Variants in LRP1B observed in about 807,000 individuals in gnomAD.
The protein encoded by LRP1B is low-density lipoprotein receptor-related protein 1B.
LRP1B carries 217 observed loss-of-function variants against 556.6 expected under a neutral mutation model. The ratio of observed to expected loss-of-function variants is 0.39; its 90% CI spans 0.35 to 0.44. LRP1B has a LOEUF of 0.44. Among genes scored for constraint, LRP1B ranks in the 20% least tolerant of loss-of-function variants. LRP1B has a pLI of 1.00. For synonymous variants in LRP1B, 2,047 were observed against 1,865.8 expected (o/e 1.10, Z -2.50); for missense variants, 5,053 against 5,620.8 (o/e 0.90, Z 3.23).
intron 2 of LRP1B, among the ~76,000 whole-genome samples, chr2:141,680,177 G>A (rs998560777): frequency 4.6e-5 from 7 of 151,900 alleles, no homozygotes; most frequent in South Asian, 2.1e-4. Flanking sequence ...TAAACTTTGC[G>A]AATTTCGAAT....
At chr2:140,691,826 T>C (rs1686254109) in intron 41 of LRP1B, among the ~76,000 whole-genome samples, 1 of 152,174 alleles carries the variant, frequency 6.6e-6, no homozygotes, top group African/African-American at 2.4e-5. Context: ...TGAAAGTTAT[T>C]TATTTATACT....
chr2:140,642,792 C>G (rs1194857895), intron 41 of LRP1B, among the ~76,000 whole-genome samples: 3 of 152,052 alleles, frequency 2.0e-5, no homozygotes, highest in African/African-American at 4.8e-5. Context: ...TGCATTGAGC[C>G]GAGATCGCGC....
intron 41 of LRP1B, among the ~76,000 whole-genome samples, chr2:140,695,981 G>A (rs544639926): frequency 3.3e-5 from 5 of 152,242 alleles, no homozygotes; most frequent in African/African-American, 1.2e-4. Context: ...TCAGCTATAT[G>A]AAGGATCAAA....
At chr2:141,893,993 A>G (rs1699364752) in intron 1 of LRP1B, among the ~76,000 whole-genome samples, 1 of 151,462 alleles carries the variant, frequency 6.6e-6, no homozygotes, top group Non-Finnish European at 1.5e-5. Flanking sequence ...GGACTTCTCA[A>G]GAAGTACTTA....
chr2:141,309,510 C>G (rs144714578), intron 3 of LRP1B, among the ~76,000 whole-genome samples: 1,949 of 152,270 alleles, frequency 0.013, 24 homozygotes, highest in Middle Eastern at 0.044. Flanking sequence ...GGATTCCACT[C>G]TCATGAATGG....
chr2:142,005,019 A>C (rs542049902), intron 1 of LRP1B, among the ~76,000 whole-genome samples: 1 of 148,348 alleles, frequency 6.7e-6, no homozygotes, highest in African/African-American at 2.4e-5. Context: ...TAGATATTAT[A>C]TATTTAGTAT....
chr2:142,072,812 A>G (rs192161020), intron 1 of LRP1B, among the ~76,000 whole-genome samples: 2 of 152,182 alleles, frequency 1.3e-5, no homozygotes, highest in African/African-American at 4.8e-5. Context: ...TATGTATTAA[A>G]TGAATATGTA....
intron 66 of LRP1B, among the ~76,000 whole-genome samples, chr2:140,422,749 T>C (rs1175575512): frequency 6.6e-6 from 1 of 152,226 alleles, no homozygotes; most frequent in Non-Finnish European, 1.5e-5. Flanking sequence ...ATTGTTTATT[T>C]GTTTTCTTGT....
chr2:141,164,933 A>G (rs72980111), intron 7 of LRP1B, among the ~76,000 whole-genome samples: 4,103 of 152,010 alleles, frequency 0.027, 179 homozygotes, highest in African/African-American at 0.094. Flanking sequence ...TGTTTCACCA[A>G]CTGTCTTAAT....
chr2:141,385,678 GCCT>G (rs1293847939), intron 3 of LRP1B, among the ~76,000 whole-genome samples: 6 of 152,058 alleles, frequency 3.9e-5, no homozygotes, highest in East Asian at 1.9e-4. Flanking sequence ...TCAGTAGAAT[GCCT>G]CCTCATTCCT....
At chr2:140,336,032 C>A (rs1681073534) in intron 77 of LRP1B, among the ~76,000 whole-genome samples, 194 bp from the exon 78 acceptor site, 1 of 151,940 alleles carries the variant, frequency 6.6e-6, no homozygotes, top group Non-Finnish European at 1.5e-5. Context: ...CTTAATTGTA[C>A]AGATCACTGG....
intron 2 of LRP1B, among the ~76,000 whole-genome samples, chr2:141,665,311 C>G (rs1690384571): frequency 6.6e-6 from 1 of 152,006 alleles, no homozygotes; most frequent in Admixed American, 6.6e-5. Context: ...ATACATGCAG[C>G]CAATAAACAT....
intron 1 of LRP1B, among the ~76,000 whole-genome samples, chr2:142,094,585 A>G (rs1367444414): frequency 6.6e-6 from 1 of 152,014 alleles, no homozygotes; most frequent in Non-Finnish European, 1.5e-5. Flanking sequence ...GTATAATATT[A>G]TTAGTTAAAT....
At chr2:140,726,392 T>C (rs1687594761) in intron 35 of LRP1B, among the ~76,000 whole-genome samples, 1 of 152,194 alleles carries the variant, frequency 6.6e-6, no homozygotes, top group South Asian at 2.1e-4. Context: ...CCAGATCTCT[T>C]AGAAATCACT....
At chr2:141,688,010 G>GA (rs112502279) in intron 2 of LRP1B, among the ~76,000 whole-genome samples, 40,571 of 145,852 alleles carry the variant, frequency 0.28, 6,224 homozygotes, top group East Asian at 0.49. Flanking sequence ...TATGATTTTT[G>GA]AAAAAAAAAA....
At chr2:140,899,890 T>G (rs533844187) in intron 23 of LRP1B, among the ~76,000 whole-genome samples, 1 of 152,314 alleles carries the variant, frequency 6.6e-6, no homozygotes, top group East Asian at 1.9e-4. Flanking sequence ...TAATGTCTTC[T>G]TTCTGGTAAT....
chr2:140,338,610 G>A (rs1039707423), intron 77 of LRP1B, among the ~76,000 whole-genome samples: 1 of 151,698 alleles, frequency 6.6e-6, no homozygotes, highest in Non-Finnish European at 1.5e-5. Flanking sequence ...TTGAATGGAT[G>A]TTCACTGGAA....
In LRP1B at chr2:141,240,762, C is replaced by T. The variant is rs149375339; in HGVS notation, c.592+6464G>A. Among the ~76,000 whole-genome samples, 197 of 152,024 alleles carry T rather than the reference C, an allele frequency of 1.3e-3. 2 individuals carry two copies. The highest frequency in any genetic ancestry group is 4.4e-3 in the African/African-American group (182 of 41,504). On this transcript the variant is annotated intron_variant, in intron 5 of 90. Coordinates refer to ENST00000389484, the MANE Select transcript of LRP1B (RefSeq NM_018557.3). ...GTTTATTGACTGTCACACCTAGAGC[C>T]CATAAATATGGCCACGTAATTTTTC...
chr2:141,773,142 T>C (rs552324191), intron 2 of LRP1B, among the ~76,000 whole-genome samples: 1 of 152,250 alleles, frequency 6.6e-6, no homozygotes, highest in East Asian at 1.9e-4. Context: ...TGAAGTTAGA[T>C]GACTTCTTCT....
Sources: allele counts gnomAD v4.1 joint callset (sites outside exome capture counted in the v4.1 genomes callset), GRCh38; gene constraint gnomAD v4.1.1; transcripts MANE v1.5; gene names NCBI Gene and HGNC (gene_info 2026-07-23, HGNC 2026-07-21).